The following DNHD1 variants were observed in gnomAD, a reference collection of about 807,000 sequenced individuals.
DNHD1 encodes the protein dynein heavy chain domain-containing protein 1.
DNHD1 carries 383 observed loss-of-function variants against 458.1 expected under a neutral mutation model. The ratio of observed to expected loss-of-function variants is 0.84; its 90% CI spans 0.77 to 0.91. DNHD1 has a LOEUF of 0.91. Ranked by LOEUF, DNHD1 falls within the 40% of genes least tolerant of loss-of-function variation. DNHD1 has a pLI of 0.00. For synonymous variants in DNHD1, 2,203 were observed against 2,376.9 expected (o/e 0.93, Z 2.13); for missense variants, 5,336 against 5,866.1 (o/e 0.91, Z 2.95).
At chr11:6,532,298 CG>C (rs1852841227) in intron 12 of DNHD1, among the ~76,000 whole-genome samples, 1 of 152,074 alleles carries the variant, frequency 6.6e-6, no homozygotes, top group Non-Finnish European at 1.5e-5. Flanking sequence ...CTTCTTACAA[CG>C]GGATCTTAGA....
chr11:6,530,271 AC>A, intron 12 of DNHD1, among the ~76,000 whole-genome samples: 1 of 152,126 alleles, frequency 6.6e-6, no homozygotes, highest in African/African-American at 2.4e-5. Context: ...TGCCACTTCT[AC>A]CCCTGCTAAT....
At position 6,544,825 on chromosome 11, in the gene DNHD1, C is replaced by G. The variant is rs1853172229; in HGVS notation, c.3886C>G (p.Arg1296Gly). The change falls in exon 21 of 43, where the codon CGA (arginine) becomes GGA (glycine). Residue 1296 changes from arginine to glycine, a missense_variant. Arg to Gly is a moderately radical substitution (Grantham distance 125). Coordinates refer to ENST00000254579, the MANE Select transcript of DNHD1 (RefSeq NM_144666.3). ...SRFKVMDDQY[R>G]TLMRISVADP... ...TTTCAAGGTCATGGATGACCAGTAT[C>G]GAACCCTGATGCGCATCTCTGTAGC... 1.9e-6 allele frequency: 3 copies of G among 1,551,546 alleles called. No homozygotes were observed. The South Asian group carries it at 3.6e-5, about 18-fold the overall frequency.
chr11:6,523,620 A>C (rs151248048), intron 10 of DNHD1, among the ~76,000 whole-genome samples: 1 of 152,192 alleles, frequency 6.6e-6, no homozygotes, highest in Non-Finnish European at 1.5e-5. Flanking sequence ...AATACATATA[A>C]ATTTTCAATT....
At chr11:6,504,421 C>T (rs1852190453) in intron 4 of DNHD1, among the ~76,000 whole-genome samples, 1 of 152,230 alleles carries the variant, frequency 6.6e-6, no homozygotes, top group South Asian at 2.1e-4. Flanking sequence ...ATTGCCTCAG[C>T]AATGGTCTTT....
chr11:6,568,836 G>C lies in DNHD1; in HGVS notation c.12833G>C (p.Gly4278Ala), dbSNP rs765380126. The C allele has an allele frequency of 3.1e-6, 5 of 1,612,142 alleles. No individual in the cohort carries two copies. In the Admixed American group the frequency reaches 8.4e-5, roughly 27 times the overall value. Residue 4278 changes from glycine to alanine, a missense_variant, in exon 39 of 43, where the codon GGA becomes GCA. Gly to Ala is a moderately conservative substitution (Grantham distance 60). Coordinates refer to ENST00000254579, the MANE Select transcript of DNHD1 (RefSeq NM_144666.3). ...HGLLLHRQLY[G>A]TRLQAHRGRW... The stretch of plus-strand genomic sequence containing the variant: ...CTCCTGCTACACCGGCAGCTCTATG[G>C]AACAAGGCTGCAGGCACACAGGGGG...
At chr11:6,502,968 G>T (rs550747783) in intron 4 of DNHD1, 42 bp downstream of exon 4, 1 of 1,601,556 alleles carries the variant, frequency 6.2e-7, no homozygotes, top group East Asian at 2.3e-5. Context: ...CCCCTGCCTG[G>T]TTTCCTTCTA....
chr11:6,553,762 A>C (rs1853408222), intron 24 of DNHD1, among the ~76,000 whole-genome samples: 1 of 152,180 alleles, frequency 6.6e-6, no homozygotes, highest in Admixed American at 6.5e-5. Context: ...TAAAAGCATA[A>C]AATACTTAGG....
Position 6,571,512 on chromosome 11 carries a change from C to G in DNHD1, c.13911+89C>G, listed in dbSNP as rs1853851363. 4 of 1,462,812 alleles carry G rather than the reference C, an allele frequency of 2.7e-6. No individual in the cohort carries two copies. The highest frequency in any genetic ancestry group is 4.8e-5 in the Admixed American group (2 of 41,482). 90.6% of individuals were successfully genotyped at this position (1,462,812 alleles called of 1,614,324 possible). On this transcript the variant is annotated intron_variant, in intron 42 of 42. Transcript: ENST00000254579. This position sits in a 1 kb window ranked among gnomAD's most constrained non-coding sequence, Gnocchi z 5.0. ...AGTTACCCCTTCTTGGTGATCTTGC[C>G]CCCGGTAACCCTGCTAGCTTCTCCG...
chr11:6,504,400 T>C (rs1367053599), intron 4 of DNHD1, among the ~76,000 whole-genome samples: 1 of 152,254 alleles, frequency 6.6e-6, no homozygotes. Flanking sequence ...TTGCTTGCTC[T>C]TTCTGCCATC....
rs770859587 is a variant in DNHD1, at chr11:6,570,086, T to C, written c.12941T>C (p.Met4314Thr). The C allele has an allele frequency of 2.5e-6, 4 of 1,613,676 alleles. No homozygotes were observed. The African/African-American group carries it at 4.0e-5, about 16-fold the overall frequency. Residue 4314 changes from methionine (M) to threonine (T), a missense_variant, in exon 40 of 43, where the codon ATG becomes ACG. Physicochemically the swap from Met to Thr is moderately conservative, Grantham distance 81 (BLOSUM62 -1). This residue lies in a region of DNHD1 where 698 missense variants were observed against 664.9 expected (regional missense o/e 1.05). Coordinates refer to ENST00000254579, the MANE Select transcript of DNHD1 (RefSeq NM_144666.3). The part of the protein sequence containing the change: ...WASLSNPRAA[M>T]QELAASVFYG... ...AGTCTTAGCAATCCCCGTGCTGCCA[T>C]GCAAGAGCTGGCTGGTGAGACCCTT...
chr11:6,570,457 C>CA (rs1853818468), intron 41 of DNHD1, 61 bp downstream of exon 41: 1 of 1,526,258 alleles, frequency 6.6e-7, no homozygotes, highest in South Asian at 1.3e-5. Flanking sequence ...TGCCACCCCC[C>CA]ACAGAAATGT....
In DNHD1 at chr11:6,538,378, C is replaced by T. The variant is rs751735359; in HGVS notation, c.2999-5C>T. 2.6e-6 allele frequency: 4 copies of T among 1,551,750 alleles called. No individual in the cohort carries two copies. The highest frequency in any genetic ancestry group is 2.4e-5 in the South Asian group (2 of 84,058). On this transcript the variant is annotated splice_region_variant and splice_polypyrimidine_tract_variant and intron_variant, in intron 14 of 42. Coordinates refer to ENST00000254579, the MANE Select transcript of DNHD1 (RefSeq NM_144666.3). ...CCCAGGTCTCAAGTCAGCCCTCCCC[C>T]ACAGAGGATGAGACTCCTGTGCCCT...
chr11:6,527,076 A>G (rs1852724043), intron 10 of DNHD1, among the ~76,000 whole-genome samples: 2 of 152,116 alleles, frequency 1.3e-5, no homozygotes, highest in Non-Finnish European at 2.9e-5. Context: ...AAAAAATGCT[A>G]TCCTTGTGTT....
At chr11:6,534,272 A>T in intron 14 of DNHD1, 99 bp downstream of exon 14, 1 of 1,288,968 alleles carries the variant, frequency 7.8e-7, no homozygotes, top group Non-Finnish European at 1.0e-6. Context: ...TATGACCCCA[A>T]GCAAGCCTTG....
At chr11:6,516,551 G>A (rs1852475386) in intron 7 of DNHD1, among the ~76,000 whole-genome samples, 1 of 151,466 alleles carries the variant, frequency 6.6e-6, no homozygotes, top group South Asian at 2.1e-4. Context: ...GCCCACCTCA[G>A]CCTCCCAAAG....
intron 14 of DNHD1, among the ~76,000 whole-genome samples, chr11:6,536,478 TTG>T (rs1852952085): frequency 6.6e-6 from 1 of 151,968 alleles, no homozygotes; most frequent in Admixed American, 6.6e-5. Context: ...GAAAAAAAAA[TTG>T]TGTGTGTGTA....
At chr11:6,525,860 GA>G (rs1852700769) in intron 10 of DNHD1, among the ~76,000 whole-genome samples, 1 of 151,972 alleles carries the variant, frequency 6.6e-6, no homozygotes, top group Non-Finnish European at 1.5e-5. Context: ...TTTTTGCCTA[GA>G]TTTTTTTTCT....
intron 18 of DNHD1, among the ~76,000 whole-genome samples, chr11:6,541,359 A>G (rs1333400460): frequency 6.6e-6 from 1 of 152,238 alleles, no homozygotes; most frequent in Non-Finnish European, 1.5e-5. Context: ...TCAACTCTTT[A>G]CTTAAAATCA....
At chr11:6,542,205 C>T (rs1564814537) in intron 18 of DNHD1, among the ~76,000 whole-genome samples, 1 of 152,156 alleles carries the variant, frequency 6.6e-6, no homozygotes, top group East Asian at 1.9e-4. Context: ...ATTGTCTTCC[C>T]ACTTTTGTCC....
Sources: allele counts gnomAD v4.1 joint callset (sites outside exome capture counted in the v4.1 genomes callset), GRCh38; gene constraint gnomAD v4.1.1; regional missense constraint gnomAD v4.1.1; non-coding constraint Gnocchi (gnomAD v3.1); transcripts MANE v1.5; gene names NCBI Gene and HGNC (gene_info 2026-07-23, HGNC 2026-07-21).